Variants in GRB14 observed in about 807,000 individuals in gnomAD.
GRB14 encodes the protein growth factor receptor bound protein 14.
Under a neutral mutation model 69.1 loss-of-function variants are expected in GRB14, and 38 were observed. The observed-to-expected ratio is 0.55, with a 90% CI of 0.42 to 0.72. GRB14 has a LOEUF of 0.72. GRB14 is among the 30% of genes least tolerant of loss of function. The pLI is 0.00. For synonymous variants in GRB14, 247 were observed against 241.3 expected (o/e 1.02, Z -0.22); for missense variants, 666 against 666.1 (o/e 1.00, Z 0.00).
intron 2 of GRB14, among the ~76,000 whole-genome samples, chr2:164,574,796 C>T (rs1308449831): frequency 2.0e-5 from 3 of 151,670 alleles, no homozygotes; most frequent in Admixed American, 6.6e-5. Flanking sequence ...TAAAAAAATA[C>T]GGCCAGGTGT....
chr2:164,503,730 A>G (rs1687123169), intron 8 of GRB14, among the ~76,000 whole-genome samples: 3 of 152,182 alleles, frequency 2.0e-5, no homozygotes. Context: ...CATTTTGGAG[A>G]ATATATAATA....
chr2:164,601,444 T>C (rs1288064286), intron 2 of GRB14, among the ~76,000 whole-genome samples: 1 of 152,122 alleles, frequency 6.6e-6, no homozygotes, highest in East Asian at 1.9e-4. Context: ...TCTACAATAC[T>C]GAAAGCACAG....
At chr2:164,553,428 A>T (rs1172623196) in intron 2 of GRB14, among the ~76,000 whole-genome samples, 1 of 152,224 alleles carries the variant, frequency 6.6e-6, no homozygotes, top group East Asian at 1.9e-4. Context: ...GCTGAGAGAA[A>T]AATTTAATAT....
chr2:164,581,616 T>A (rs1689406512), intron 2 of GRB14, among the ~76,000 whole-genome samples: 1 of 152,210 alleles, frequency 6.6e-6, no homozygotes, highest in Admixed American at 6.5e-5. Context: ...GATCTGGATT[T>A]CAGCCCAGTG....
chr2:164,605,027 T>C (rs1690011205), intron 2 of GRB14, among the ~76,000 whole-genome samples: 1 of 152,244 alleles, frequency 6.6e-6, no homozygotes, highest in East Asian at 1.9e-4. Flanking sequence ...GCTAATTTTA[T>C]GCTTAATGAA....
intron 2 of GRB14, among the ~76,000 whole-genome samples, chr2:164,588,645 T>C (rs1280661189): frequency 6.6e-6 from 1 of 152,180 alleles, no homozygotes; most frequent in East Asian, 1.9e-4. Flanking sequence ...AGCAAGTGAG[T>C]GAAATCTTCA....
chr2:164,549,300 A>G (rs1304902266), intron 2 of GRB14, among the ~76,000 whole-genome samples: 2 of 152,210 alleles, frequency 1.3e-5, no homozygotes, highest in Non-Finnish European at 2.9e-5. Flanking sequence ...TTCCCAATCC[A>G]CAGGTAGCCT....
chr2:164,620,416 G>A (rs1690427559), intron 1 of GRB14, among the ~76,000 whole-genome samples: 1 of 152,110 alleles, frequency 6.6e-6, no homozygotes, highest in Admixed American at 6.5e-5. Flanking sequence ...GCAAGGCAGT[G>A]TTTTGAGGCG....
chr2:164,517,876 T>G (rs570894803), intron 6 of GRB14, among the ~76,000 whole-genome samples: 5 of 152,300 alleles, frequency 3.3e-5, no homozygotes, highest in Admixed American at 1.3e-4. Context: ...AAACAATTTC[T>G]ACTAGACGTA....
rs568355715 is a variant in GRB14, at chr2:164,565,899, C to A, written c.325-18083G>T. Among the ~76,000 whole-genome samples, 8 of 152,310 alleles carry A rather than the reference C, an allele frequency of 5.3e-5. No homozygotes were observed. In the South Asian group the frequency reaches 1.7e-3, roughly 32 times the overall value. ...CACATGAAGGGCCATGTTTAAAATT[C>A]AAGTTCCTAAGCACTACCAGAGACA... is the stretch of plus-strand genomic sequence containing the variant. On this transcript the variant is annotated intron_variant, in intron 2 of 13. Transcript: ENST00000263915.
chr2:164,597,073 G>A (rs1334439986), intron 2 of GRB14, among the ~76,000 whole-genome samples: 1 of 152,178 alleles, frequency 6.6e-6, no homozygotes, highest in East Asian at 1.9e-4. Flanking sequence ...CAGTTCCACT[G>A]TTTGGTTGTA....
chr2:164,498,875 A>C (rs901629290), intron 9 of GRB14, among the ~76,000 whole-genome samples: 1 of 152,158 alleles, frequency 6.6e-6, no homozygotes, highest in East Asian at 1.9e-4. Context: ...TGGTTCATCT[A>C]TATTTCTAAA....
intron 2 of GRB14, among the ~76,000 whole-genome samples, chr2:164,574,700 G>A (rs1263216018): frequency 2.0e-5 from 3 of 152,096 alleles, no homozygotes; most frequent in Admixed American, 2.0e-4. Flanking sequence ...AGCCATTTGG[G>A]AGGCTGAGAC....
chr2:164,546,993 T>C (rs1688396665), intron 3 of GRB14, among the ~76,000 whole-genome samples: 1 of 152,086 alleles, frequency 6.6e-6, no homozygotes, highest in Non-Finnish European at 1.5e-5. Flanking sequence ...TGACCTTCAC[T>C]AGAGCCAAGG....
At chr2:164,512,558 G>C (rs1406613174) in intron 6 of GRB14, among the ~76,000 whole-genome samples, 2 of 152,212 alleles carry the variant, frequency 1.3e-5, no homozygotes, top group Non-Finnish European at 2.9e-5. Flanking sequence ...CCTGAGGGAA[G>C]GACACAAGCC....
chr2:164,603,726 TTAAA>T (rs1303289457), intron 2 of GRB14, among the ~76,000 whole-genome samples: 1 of 151,688 alleles, frequency 6.6e-6, no homozygotes, highest in African/African-American at 2.4e-5. Context: ...GGAAAAATTC[TTAAA>T]TAAGACACAC....
intron 2 of GRB14, among the ~76,000 whole-genome samples, chr2:164,615,476 G>C (rs950095785): frequency 6.6e-6 from 1 of 152,080 alleles, no homozygotes; most frequent in African/African-American, 2.4e-5. Flanking sequence ...AACAACACTG[G>C]TACACATGTA....
intron 2 of GRB14, among the ~76,000 whole-genome samples, chr2:164,556,234 C>T (rs962529294): frequency 2.0e-5 from 3 of 152,134 alleles, no homozygotes; most frequent in Non-Finnish European, 4.4e-5. Context: ...TCAAGAATAT[C>T]CACTGCTTTC....
intron 2 of GRB14, among the ~76,000 whole-genome samples, chr2:164,568,635 T>C (rs1220513120): frequency 6.6e-6 from 1 of 152,224 alleles, no homozygotes; most frequent in Non-Finnish European, 1.5e-5. Context: ...CTTTTGTTTA[T>C]GATATTTAAA....
Sources: gnomAD v4.1 joint callset for allele counts (sites outside exome capture counted in the v4.1 genomes callset) on GRCh38, gnomAD v4.1.1 for gene constraint, MANE v1.5 for transcripts, NCBI Gene and HGNC (gene_info 2026-07-23, HGNC 2026-07-21) for gene names.